CPNE4: variants seen among roughly 807,000 people sequenced by gnomAD.
The protein encoded by CPNE4 is copine-4.
A neutral mutation model predicts 67.9 loss-of-function variants in CPNE4; 25 were observed. That is an observed-to-expected ratio of 0.37 (90% confidence interval 0.27 to 0.51). The LOEUF is 0.51. CPNE4 is among the 20% of genes least tolerant of loss of function. The pLI is 0.93. For missense variants in CPNE4, 464 were observed against 690.8 expected (o/e 0.67, Z 3.68); for synonymous variants, 242 against 244.9 (o/e 0.99, Z 0.11).
intron 2 of CPNE4, among the ~76,000 whole-genome samples, chr3:131,876,182 T>A (rs2087437076): frequency 6.6e-6 from 1 of 151,282 alleles, no homozygotes; most frequent in South Asian, 2.1e-4. Context: ...GAGGTTACAG[T>A]GAGCCGAGAT....
At chr3:131,567,443 T>C (rs1937117596) in intron 10 of CPNE4, among the ~76,000 whole-genome samples, 1 of 151,904 alleles carries the variant, frequency 6.6e-6, no homozygotes, top group African/African-American at 2.4e-5. Context: ...GGAGATGGGG[T>C]GAGGCAAAAA....
intron 2 of CPNE4, among the ~76,000 whole-genome samples, chr3:131,892,139 C>G (rs2088141811): frequency 6.6e-6 from 1 of 152,160 alleles, no homozygotes; most frequent in Non-Finnish European, 1.5e-5. Flanking sequence ...GATCCCCAAA[C>G]AGTCCCCACT....
At chr3:131,865,630 T>C (rs1414096477) in intron 2 of CPNE4, among the ~76,000 whole-genome samples, 1 of 152,156 alleles carries the variant, frequency 6.6e-6, no homozygotes, top group East Asian at 1.9e-4. Context: ...CTGCATCTTA[T>C]CCATCTTTGT....
At position 131,748,362 on chromosome 3, in the gene CPNE4, G is replaced by T. The variant is rs187186278; in HGVS notation, c.181-24737C>A. 2.0e-3 allele frequency among the ~76,000 whole-genome samples: 303 copies of T among 151,842 alleles called. 1 individual carries two copies. The highest frequency in any genetic ancestry group is 3.1e-3 in the Non-Finnish European group (209 of 67,856). ...TAATGCTGAATTCTATTTGCTAATG[G>T]TAAGAATTTTTGCATCTATATCGTG... On this transcript the variant is annotated intron_variant, in intron 2 of 15. Coordinates refer to ENST00000429747, the MANE Select transcript of CPNE4 (RefSeq NM_130808.3).
chr3:132,001,613 AAG>A (rs1286224109), intron 1 of CPNE4, among the ~76,000 whole-genome samples: 2 of 150,958 alleles, frequency 1.3e-5, no homozygotes, highest in African/African-American at 2.4e-5. Flanking sequence ...GAAAGAAAGA[AAG>A]AAAATGAAGA....
intron 6 of CPNE4, among the ~76,000 whole-genome samples, chr3:131,676,148 T>C (rs1195850292): frequency 1.3e-5 from 2 of 151,370 alleles, no homozygotes; most frequent in East Asian, 3.9e-4. Flanking sequence ...CTCCACCTCG[T>C]AGGTTCAAGC....
At chr3:131,770,302 AC>A (rs1275982487) in intron 2 of CPNE4, among the ~76,000 whole-genome samples, 1 of 152,220 alleles carries the variant, frequency 6.6e-6, no homozygotes, top group Non-Finnish European at 1.5e-5. Context: ...TGAGAAGACA[AC>A]CAACAATAAC....
intron 1 of CPNE4, among the ~76,000 whole-genome samples, chr3:131,982,639 T>C (rs1237654300): frequency 6.6e-6 from 1 of 152,222 alleles, no homozygotes; most frequent in Non-Finnish European, 1.5e-5. Context: ...GGTATATTAT[T>C]GTGATTTACT....
At chr3:131,958,643 G>A (rs907545882) in intron 1 of CPNE4, among the ~76,000 whole-genome samples, 25 of 28,378 alleles carry the variant, frequency 8.8e-4, no homozygotes, top group African/African-American at 4.9e-3. Flanking sequence ...TTTTTTTTTT[G>A]AGACAGAGTC....
rs1560113723 is a variant in CPNE4, at chr3:131,685,961, A to G, written c.508-3T>C. On this transcript the variant is annotated splice_polypyrimidine_tract_variant and splice_region_variant and intron_variant, in intron 5 of 15. Coordinates refer to ENST00000429747, the MANE Select transcript of CPNE4 (RefSeq NM_130808.3). ...GGGTCAGATTTACTGAAGAAATCCT[A>G]AAATAGATAAACGTCAATGAATTGT... The G allele has an allele frequency of 6.5e-7, 1 of 1,529,762 alleles. No homozygotes were observed. The highest frequency in any genetic ancestry group is 1.7e-5 in the Admixed American group (1 of 59,666). The allele number at this position is 1,529,762 out of a possible 1,614,324, so 94.8% of individuals were successfully genotyped here.
intron 2 of CPNE4, among the ~76,000 whole-genome samples, chr3:131,775,913 A>G (rs1380701288): frequency 6.6e-6 from 1 of 152,180 alleles, no homozygotes; most frequent in Non-Finnish European, 1.5e-5. Context: ...CATGAAGATA[A>G]AGGCACAAGA....
intron 6 of CPNE4, among the ~76,000 whole-genome samples, chr3:131,676,414 G>A (rs983391922): frequency 1.6e-4 from 25 of 152,056 alleles, no homozygotes; most frequent in Non-Finnish European, 3.2e-4. Flanking sequence ...TATGCAGGAT[G>A]TGCAGGTTTG....
chr3:131,883,291 C>T (rs992052181), intron 2 of CPNE4, among the ~76,000 whole-genome samples: 1 of 152,134 alleles, frequency 6.6e-6, no homozygotes, highest in South Asian at 2.1e-4. Flanking sequence ...CATCATTCAC[C>T]CAATTGCTCA....
At chr3:131,806,913 C>T (rs1409742701) in intron 2 of CPNE4, among the ~76,000 whole-genome samples, 1 of 152,058 alleles carries the variant, frequency 6.6e-6, no homozygotes, top group East Asian at 1.9e-4. Context: ...TTCACAGTTC[C>T]CCAAATTGCT....
rs1553794945 is a variant in CPNE4, at chr3:131,876,653, A to AG, written c.180+28610_180+28611insC. On this transcript the variant is annotated intron_variant, in intron 2 of 15. Transcript: ENST00000429747. ...CAAGACTCCGTCTCAAAAAAAAAAA[A>AG]AAAGAAAGAAAGAAAGAGACATTCT... is the stretch of plus-strand genomic sequence containing the variant. 2.5e-4 allele frequency among the ~76,000 whole-genome samples: 35 copies of AG among 140,678 alleles called. 1 individual carries two copies. The highest frequency in any genetic ancestry group is 1.9e-3 in the Admixed American group (25 of 12,904). The allele number at this position is 140,678 out of a possible 152,430, so 92.3% of individuals were successfully genotyped here. A position where few individuals can be genotyped will look rare whatever the true frequency, so the allele number is the denominator to read the frequency against.
At chr3:131,978,086 TAA>T (rs1219712373) in intron 1 of CPNE4, among the ~76,000 whole-genome samples, 130 of 34,196 alleles carry the variant, frequency 3.8e-3, no homozygotes, top group African/African-American at 0.024. Flanking sequence ...TAAATATATA[TAA>T]ATATATATAT....
chr3:131,833,145 C>A (rs963922410), intron 2 of CPNE4, among the ~76,000 whole-genome samples: 2 of 152,140 alleles, frequency 1.3e-5, no homozygotes, highest in African/African-American at 2.4e-5. Flanking sequence ...TCTGCTGACA[C>A]CTTGACCTTA....
At chr3:131,700,819 C>T (rs1019245381) in intron 3 of CPNE4, among the ~76,000 whole-genome samples, 17 of 151,936 alleles carry the variant, frequency 1.1e-4, no homozygotes, top group Non-Finnish European at 1.5e-4. Flanking sequence ...GCACTATTCA[C>T]AATAGCAAAG....
chr3:132,007,348 C>T (rs1239118235), intron 1 of CPNE4, among the ~76,000 whole-genome samples: 1 of 152,134 alleles, frequency 6.6e-6, no homozygotes, highest in Non-Finnish European at 1.5e-5. Context: ...TCCTATTCTC[C>T]AAGCAGCAAC....
Sources: gnomAD v4.1 joint callset for allele counts (sites outside exome capture counted in the v4.1 genomes callset) on GRCh38, gnomAD v4.1.1 for gene constraint, MANE v1.5 for transcripts, NCBI Gene and HGNC (gene_info 2026-07-23, HGNC 2026-07-21) for gene names.